MTMR1: variants seen among roughly 807,000 people sequenced by gnomAD.
The protein encoded by MTMR1 is myotubularin related protein 1.
In MTMR1, 17 loss-of-function variants were observed where a neutral mutation model predicts 51.6. The ratio of observed to expected loss-of-function variants is 0.33; its 90% CI spans 0.23 to 0.49. The LOEUF (loss-of-function observed/expected upper bound fraction) is 0.49. Among genes scored for constraint, MTMR1 ranks in the 20% least tolerant of loss-of-function variants. The pLI is 0.99. For synonymous variants in MTMR1, 201 were observed against 205.6 expected, an observed-to-expected ratio of 0.98 and a Z score of 0.19; for missense variants, 386 against 526.9, an observed-to-expected ratio of 0.73 and a Z score of 2.62.
chrX:150,727,872 T>C (rs1425481727), intron 6 of MTMR1, 81 bp downstream of exon 6: 8 of 624,627 alleles, frequency 1.3e-5, no homozygotes, highest in Non-Finnish European at 1.9e-5. Flanking sequence ...TCATGGTCTT[T>C]GGACAGTAGA....
intron 4 of MTMR1, among the ~76,000 whole-genome samples, chrX:150,719,488 G>T (rs2041675577): frequency 9.0e-6 from 1 of 111,603 alleles, no homozygotes; most frequent in Admixed American, 9.5e-5. Context: ...CCTTGGTTTT[G>T]AAATTCTTTA....
intron 6 of MTMR1, among the ~76,000 whole-genome samples, chrX:150,728,502 A>G (rs187689185): frequency 1.8e-5 from 2 of 112,328 alleles, no homozygotes; most frequent in East Asian, 5.6e-4. Context: ...GCAGTGGCCC[A>G]TAAATTCTGT....
At position 150,764,867 on chromosome X, in the gene MTMR1, T is replaced by TC. The variant is rs1557418401; in HGVS notation, c.*2138_*2139insC. On this transcript the variant is annotated 3_prime_UTR_variant, in exon 16 of 16. Transcript: ENST00000445323. The stretch of plus-strand genomic sequence containing the variant: ...TTTTAAAAACTGGTACAGTATTGTA[T>TC]TTGTCTCATCTGTTGCACTGTATTT... 1 of 112,619 alleles carries TC rather than the reference T, an allele frequency of 8.9e-6. No individual in the cohort carries two copies. Among genetic ancestry groups the TC allele is most frequent in the East Asian group, 2.8e-4 (1 of 3,604 alleles). 9.3% of individuals were successfully genotyped at this position (112,619 alleles called of 1,213,427 possible).
chrX:150,711,694 C>A (rs113666598), intron 2 of MTMR1, among the ~76,000 whole-genome samples: 7,966 of 112,170 alleles, frequency 0.071, 209 homozygotes, highest in Non-Finnish European at 0.078. Context: ...CCTCTTCCCG[C>A]GTGGAGCCCC....
chrX:150,699,807 G>C (rs1215114794), intron 2 of MTMR1, among the ~76,000 whole-genome samples: 2 of 111,917 alleles, frequency 1.8e-5, no homozygotes, highest in Non-Finnish European at 3.8e-5. Flanking sequence ...TTAAAAGTTA[G>C]ATTCCCTGCT....
intron 4 of MTMR1, among the ~76,000 whole-genome samples, chrX:150,722,709 A>G (rs181038477): frequency 0.011 from 1,173 of 110,692 alleles, 10 homozygotes; most frequent in Non-Finnish European, 0.017. Flanking sequence ...TGTTTAGATC[A>G]TTTACATTTT....
At chrX:150,735,935 C>T in intron 10 of MTMR1, 1 of 120,282 alleles carries the variant, frequency 8.3e-6, no homozygotes, top group Non-Finnish European at 1.7e-5. Flanking sequence ...AACAGGGTCT[C>T]CAAAGCCCTC....
In MTMR1 at chrX:150,736,827, G is replaced by A. The variant is rs112734998; in HGVS notation, c.1266+47G>A. ...TATGCTTTCCAGTTAAGACTTCTTT[G>A]TGCCTGTGCCATAAATACGTATATC... On this transcript the variant is annotated intron_variant, in intron 11 of 15. Transcript: ENST00000445323. The A allele has an allele frequency of 8.0e-4, 878 of 1,092,967 alleles. 6 individuals carry two copies. The African/African-American group carries it at 0.013, about 16-fold the overall frequency. 90.1% of individuals were successfully genotyped at this position (1,092,967 alleles called of 1,213,427 possible).
intron 15 of MTMR1, among the ~76,000 whole-genome samples, chrX:150,757,877 C>G (rs58672305): frequency 6.4e-4 from 71 of 111,076 alleles, no homozygotes; most frequent in African/African-American, 2.3e-3. Context: ...ATTGCCCAAA[C>G]TAGCGTACTT....
At chrX:150,759,307 G>A (rs1260322086) in intron 15 of MTMR1, among the ~76,000 whole-genome samples, 1 of 112,026 alleles carries the variant, frequency 8.9e-6, no homozygotes, top group Non-Finnish European at 1.9e-5. Flanking sequence ...ATCTATTTTG[G>A]CAACAGGGAA....
At chrX:150,700,648 G>A in intron 2 of MTMR1, among the ~76,000 whole-genome samples, 1 of 112,669 alleles carries the variant, frequency 8.9e-6, no homozygotes, top group East Asian at 2.8e-4. Context: ...AGCAGCTGCG[G>A]ATCGCATCAG....
intron 12 of MTMR1, among the ~76,000 whole-genome samples, chrX:150,742,632 C>G (rs1014873895): frequency 2.8e-5 from 3 of 109,078 alleles, no homozygotes; most frequent in African/African-American, 1.0e-4. Context: ...TTGGCTAACA[C>G]GGTGAAACCC....
chrX:150,723,896 C>T (rs1265823733), intron 4 of MTMR1, among the ~76,000 whole-genome samples: 1 of 111,879 alleles, frequency 8.9e-6, no homozygotes, highest in African/African-American at 3.2e-5. Flanking sequence ...ATCCATGTTC[C>T]TGCAGAGGAC....
At position 150,731,499 on chromosome X, in the gene MTMR1, C is replaced by A; in HGVS notation, c.771C>A (p.Ser257=). The change falls in exon 9 of 16, where the codon TCC becomes TCA. Residue 257 remains serine, a synonymous_variant. Coordinates refer to ENST00000445323, the MANE Select transcript of MTMR1 (RefSeq NM_001306144.3). The part of the protein sequence containing the change: ...QGLPNESWKI[S]KINSNYEFCD... The stretch of plus-strand genomic sequence containing the variant: ...TGCCAAATGAGAGTTGGAAAATATC[C>A]AAAATAAACAGTAATTATGAGTTCT... 2 of 1,198,127 alleles carry A rather than the reference C, an allele frequency of 1.7e-6. No homozygotes were observed. Among genetic ancestry groups the A allele is most frequent in the Non-Finnish European group, 2.3e-6 (2 of 888,280 alleles).
At chrX:150,723,819 T>C (rs1160189064) in intron 4 of MTMR1, among the ~76,000 whole-genome samples, 1 of 111,829 alleles carries the variant, frequency 8.9e-6, no homozygotes, top group African/African-American at 3.3e-5. Context: ...CACTTATAAG[T>C]GAGAACCTAC....
At chrX:150,712,278 G>A (rs2041339774) in intron 2 of MTMR1, 64 bp from the exon 3 acceptor site, 1 of 1,027,367 alleles carries the variant, frequency 9.7e-7, no homozygotes, top group Admixed American at 2.7e-5. Context: ...TGAACTTAAT[G>A]GCATCTTTCA....
Position 150,762,557 on chromosome X carries a change from C to T in MTMR1, c.1858-8C>T. 3 of 1,210,709 alleles carry T rather than the reference C, an allele frequency of 2.5e-6. No homozygotes were observed. Among genetic ancestry groups the T allele is most frequent in the East Asian group, 5.9e-5 (2 of 33,795 alleles). On this transcript the variant is annotated splice_polypyrimidine_tract_variant and splice_region_variant and intron_variant, in intron 15 of 15. Transcript: ENST00000445323. ...CTGATAATGCAGCTTTGTCTCTGCT[C>T]CCTCCAGATGCCCATTCACCAGAAT... is the stretch of plus-strand genomic sequence containing the variant.
chrX:150,705,338 G>A (rs1183655528), intron 2 of MTMR1, among the ~76,000 whole-genome samples: 1 of 111,792 alleles, frequency 8.9e-6, no homozygotes, highest in African/African-American at 3.3e-5. Context: ...CCCAAATTTG[G>A]CAAAACACAT....
intron 10 of MTMR1, 30 bp downstream of exon 10, chrX:150,732,760 T>G (rs1557417040): frequency 8.9e-7 from 1 of 1,125,671 alleles, no homozygotes; most frequent in South Asian, 2.1e-5. Context: ...GCAGAAACAC[T>G]GGATATTTTC....
Sources: allele counts gnomAD v4.1 joint callset (sites outside exome capture counted in the v4.1 genomes callset), GRCh38; gene constraint gnomAD v4.1.1; transcripts MANE v1.5; gene names NCBI Gene and HGNC (gene_info 2026-07-23, HGNC 2026-07-21).